GRM1: variants seen among roughly 807,000 people sequenced by gnomAD.
GRM1 encodes glutamate metabotropic receptor 1.
A neutral mutation model predicts 90.9 loss-of-function variants in GRM1; 33 were observed. The observed-to-expected ratio is 0.36, with a 90% CI of 0.28 to 0.49. GRM1 has a LOEUF of 0.49. GRM1 is among the 20% of genes least tolerant of loss of function. GRM1 has a pLI of 0.99. For missense variants in GRM1, 1,190 were observed against 1,534.3 expected, an observed-to-expected ratio of 0.78 and a Z score of 3.75; for synonymous variants, 700 against 613.2, an observed-to-expected ratio of 1.14 and a Z score of -2.09.
At chr6:146,202,648 C>G (rs1198965688) in intron 2 of GRM1, among the ~76,000 whole-genome samples, 1 of 152,150 alleles carries the variant, frequency 6.6e-6, no homozygotes, top group Non-Finnish European at 1.5e-5. Flanking sequence ...TCGTTTTTCT[C>G]TAGGCTAAAA....
At chr6:146,152,190 T>C (rs1045503301) in intron 1 of GRM1, among the ~76,000 whole-genome samples, 1 of 152,114 alleles carries the variant, frequency 6.6e-6, no homozygotes, top group Admixed American at 6.6e-5. Context: ...AAACAGAGTG[T>C]CATTCTGTAA....
chr6:146,258,608 A>G (rs1010796104), intron 2 of GRM1, among the ~76,000 whole-genome samples: 5 of 151,856 alleles, frequency 3.3e-5, no homozygotes, highest in African/African-American at 1.2e-4. Flanking sequence ...CAGCCTTGAA[A>G]TCCTGGGCTC....
At chr6:146,223,864 G>A (rs1475119655) in intron 2 of GRM1, among the ~76,000 whole-genome samples, 1 of 152,094 alleles carries the variant, frequency 6.6e-6, no homozygotes, top group Non-Finnish European at 1.5e-5. Flanking sequence ...TCACAAGAAA[G>A]TGAGTTTTAA....
At chr6:146,037,693 A>G (rs967818111) in intron 1 of GRM1, among the ~76,000 whole-genome samples, 1 of 151,896 alleles carries the variant, frequency 6.6e-6, no homozygotes, top group Non-Finnish European at 1.5e-5. Flanking sequence ...TGTTTGTCCC[A>G]CCAATACCTA....
chr6:146,174,235 A>AT (rs564021670), intron 2 of GRM1, among the ~76,000 whole-genome samples: 22 of 151,392 alleles, frequency 1.5e-4, no homozygotes, highest in Admixed American at 2.6e-4. Flanking sequence ...TGCTATAGGC[A>AT]TTTTTTTTTC....
chr6:146,359,033 G>T (rs1185144735), intron 5 of GRM1, among the ~76,000 whole-genome samples: 1 of 152,214 alleles, frequency 6.6e-6, no homozygotes, highest in South Asian at 2.1e-4. Context: ...GGTGGATCAT[G>T]GGAAGGTTTG....
At chr6:146,428,907 C>T (rs1374339169) in intron 7 of GRM1, among the ~76,000 whole-genome samples, 2 of 152,114 alleles carry the variant, frequency 1.3e-5, no homozygotes, top group Non-Finnish European at 2.9e-5. Context: ...CCCAGACAAA[C>T]TTTATGGTGC....
intron 2 of GRM1, among the ~76,000 whole-genome samples, chr6:146,205,035 G>A (rs1329504431): frequency 6.6e-6 from 1 of 152,164 alleles, no homozygotes; most frequent in Non-Finnish European, 1.5e-5. Flanking sequence ...GAAAATGCAT[G>A]CATCAAAAAT....
intron 1 of GRM1, among the ~76,000 whole-genome samples, chr6:146,080,717 G>A (rs1776337298): frequency 6.6e-6 from 1 of 152,120 alleles, no homozygotes; most frequent in Non-Finnish European, 1.5e-5. Context: ...AGAAAGGGGA[G>A]GAAATGCACG....
At chr6:146,086,553 G>A (rs1776551863) in intron 1 of GRM1, among the ~76,000 whole-genome samples, 1 of 151,894 alleles carries the variant, frequency 6.6e-6, no homozygotes, top group African/African-American at 2.4e-5. Context: ...TTCTTTCCTG[G>A]ATAGGATATA....
At chr6:146,058,034 A>G (rs1218719237) in intron 1 of GRM1, among the ~76,000 whole-genome samples, 1 of 152,062 alleles carries the variant, frequency 6.6e-6, no homozygotes, top group Non-Finnish European at 1.5e-5. Context: ...AGAGTTATAT[A>G]TTTAATATTC....
At chr6:146,080,945 A>G (rs1013799742) in intron 1 of GRM1, among the ~76,000 whole-genome samples, 1 of 152,166 alleles carries the variant, frequency 6.6e-6, no homozygotes, top group African/African-American at 2.4e-5. Flanking sequence ...GGGAACAGCT[A>G]AATGTTTCCC....
intron 2 of GRM1, among the ~76,000 whole-genome samples, chr6:146,230,499 G>T (rs1236965717): frequency 6.6e-6 from 1 of 152,060 alleles, no homozygotes; most frequent in Non-Finnish European, 1.5e-5. Flanking sequence ...CCAAAATCCA[G>T]AACACTGACA....
intron 5 of GRM1, among the ~76,000 whole-genome samples, chr6:146,376,977 C>G (rs1282031876): frequency 6.6e-6 from 1 of 152,042 alleles, no homozygotes; most frequent in Non-Finnish European, 1.5e-5. Flanking sequence ...CCTGCACATG[C>G]TCTCTCTCTT....
chr6:146,219,336 G>T (rs1037225338), intron 2 of GRM1, among the ~76,000 whole-genome samples: 2 of 152,150 alleles, frequency 1.3e-5, no homozygotes, highest in Non-Finnish European at 2.9e-5. Context: ...AAAGCCACCA[G>T]GGGGTGAGAA....
chr6:146,430,316 T>G (rs1414909855), intron 7 of GRM1, among the ~76,000 whole-genome samples: 1 of 152,228 alleles, frequency 6.6e-6, no homozygotes, highest in African/African-American at 2.4e-5. Flanking sequence ...ACACAGTAAC[T>G]ATACATTATC....
Position 146,193,578 on chromosome 6 carries a change from G to A in GRM1, c.950+33981G>A, listed in dbSNP as rs962890365. ...TTAGCCACTGATGCTTATTGATGAT[G>A]CACACAAGCACCATTTTGGTAGGGT... On this transcript the variant is annotated intron_variant, in intron 2 of 7. Coordinates refer to ENST00000282753, the MANE Select transcript of GRM1 (RefSeq NM_001278064.2). Among the ~76,000 whole-genome samples the A allele has an allele frequency of 3.3e-5, 5 of 152,146 alleles. No individual in the cohort carries two copies. The East Asian group carries it at 9.6e-4, about 29-fold the overall frequency.
chr6:146,414,404 A>ATTATTATTATATTT (rs1180480461), intron 7 of GRM1, among the ~76,000 whole-genome samples: 12 of 148,664 alleles, frequency 8.1e-5, no homozygotes, highest in Admixed American at 6.7e-4. Flanking sequence ...TATTATTATT[A>ATTATTATTATATTT]TTTTTGTTGT....
At chr6:146,344,026 G>A (rs987580647) in intron 3 of GRM1, among the ~76,000 whole-genome samples, 4 of 152,166 alleles carry the variant, frequency 2.6e-5, no homozygotes, top group African/African-American at 9.7e-5. Flanking sequence ...ACATGTATCT[G>A]TAATCATTTC....
Sources: gnomAD v4.1 joint callset for allele counts (sites outside exome capture counted in the v4.1 genomes callset) on GRCh38, gnomAD v4.1.1 for gene constraint, MANE v1.5 for transcripts, NCBI Gene and HGNC (gene_info 2026-07-23, HGNC 2026-07-21) for gene names.